Variants in KRTAP24-1 observed in about 807,000 individuals in gnomAD.
KRTAP24-1 encodes keratin associated protein 24-1, also known as keratin-associated protein 24-1.
For synonymous variants in KRTAP24-1, 133 were observed against 116.3 expected (o/e 1.14, Z -0.92); for missense variants, 344 against 303.2 (o/e 1.13, Z -1.00).
chr21:30,282,345 G>T lies in KRTAP24-1; in HGVS notation c.588C>A (p.Asn196Lys), dbSNP rs1980730483. 1 of 1,614,150 alleles carries T rather than the reference G, an allele frequency of 6.2e-7. No homozygotes were observed. Among genetic ancestry groups the T allele is most frequent in the East Asian group, 2.2e-5 (1 of 44,864 alleles). ...CTAAATAGCTTTGGGGTTGGCAGCT[G>T]TTGGAAATATAACATAATGGTGAGA... Reference protein sequence around the residue: ...SYVSPLCYISNSCQPQSYLVR... With the variant: ...SYVSPLCYISKSCQPQSYLVR... Residue 196 changes from asparagine (N) to lysine (K), a missense_variant, in exon 1 of 1, where the codon AAC becomes AAA. Asn to Lys is a moderately conservative substitution (Grantham distance 94). Transcript: ENST00000340345.
Position 30,282,226 on chromosome 21 carries a change from C to A in KRTAP24-1, c.707G>T (p.Ser236Ile). 1 of 1,614,014 alleles carries A rather than the reference C, an allele frequency of 6.2e-7. No individual in the cohort carries two copies. The highest frequency in any genetic ancestry group is 8.5e-7 in the Non-Finnish European group (1 of 1,179,988). ...CAAATACCTCAGAGGTGGAAAGGTA[C>A]TGGGTATATAGCTCAGAGATCTGAA... ...RSFRSLSYIP[S>I]TFPPLRYLCS... The change falls in exon 1 of 1, where the codon AGT (serine) becomes ATT (isoleucine). Residue 236 changes from serine (S) to isoleucine (I), a missense_variant. Ser to Ile is a moderately radical substitution (Grantham distance 142). Coordinates refer to ENST00000340345, the MANE Select transcript of KRTAP24-1 (RefSeq NM_001085455.3).
In KRTAP24-1 at chr21:30,282,883, G is replaced by A; in HGVS notation, c.50C>T (p.Thr17Ile). 6.2e-7 allele frequency: 1 copy of A among 1,613,662 alleles called. No homozygotes were observed. The highest frequency in any genetic ancestry group is 1.3e-5 in the African/African-American group (1 of 75,020). The change falls in exon 1 of 1, where the codon ACC (threonine) becomes ATC (isoleucine). Residue 17 changes from threonine (T) to isoleucine (I), a missense_variant. Physicochemically the swap from Thr to Ile is moderately conservative, Grantham distance 89. Transcript: ENST00000340345. ...STTGYPGVCS[T>I]TSYRTHCYIP... is the part of the protein sequence containing the mutation. Reference sequence around the variant, plus strand: ...ATAACAGTGAGTTCTGTATGATGTGGTACTGCAGACCCCAGGATAGCCTGT... The same window carrying A: ...ATAACAGTGAGTTCTGTATGATGTGATACTGCAGACCCCAGGATAGCCTGT...
rs1823046547 is a variant in KRTAP24-1, at chr21:30,282,573, TGGGCTGCAGCTG to T, written c.348_359del (p.Cys118_Ser121del). 8 of 1,596,184 alleles carry T rather than the reference TGGGCTGCAGCTG, an allele frequency of 5.0e-6. No homozygotes were observed. Among genetic ancestry groups the T allele is most frequent in the Non-Finnish European group, 6.8e-6 (8 of 1,171,004 alleles). ...ATACATACCCATTGGTCTGGGTGCT[TGGGCTGCAGCTG>T]GGGCTGGGGCTGACGTTGGTAGTTT... On this transcript the variant is annotated inframe_deletion, in exon 1 of 1. Coordinates refer to ENST00000340345, the MANE Select transcript of KRTAP24-1 (RefSeq NM_001085455.3).
At position 30,282,643 on chromosome 21, in the gene KRTAP24-1, G is replaced by A; in HGVS notation, c.290C>T (p.Ser97Phe). 6.3e-7 allele frequency: 1 copy of A among 1,593,430 alleles called. No homozygotes were observed. The highest frequency in any genetic ancestry group is 8.5e-7 in the Non-Finnish European group (1 of 1,169,698). Residue 97 changes from serine (S) to phenylalanine (F), a missense_variant, in exon 1 of 1, where the codon TCC (serine) becomes TTC (phenylalanine). By Grantham distance (155) the Ser-to-Phe change is radical. Coordinates refer to ENST00000340345, the MANE Select transcript of KRTAP24-1 (RefSeq NM_001085455.3). The stretch of plus-strand genomic sequence containing the variant: ...ACTGAAGACTTGGCCTGCTGATGGG[G>A]AGTTGCAGGGCACAGAGGAGTTTGA... ...DPSNSSVPCN[S>F]PSAGQVFSVC...
rs1321589603 is a variant in KRTAP24-1 at position 30,281,626 on chromosome 21, T to C, written c.*542A>G. 6.6e-6 allele frequency: 1 copy of C among 152,570 alleles called. No individual in the cohort carries two copies. The highest frequency in any genetic ancestry group is 2.4e-5 in the African/African-American group (1 of 41,460). The allele number at this position is 152,570 out of a possible 1,614,324, so 9.5% of individuals were successfully genotyped here. A position where few individuals can be genotyped will look rare whatever the true frequency, so the allele number is the denominator to read the frequency against. On this transcript the variant is annotated 3_prime_UTR_variant, in exon 1 of 1. Coordinates refer to ENST00000340345, the MANE Select transcript of KRTAP24-1 (RefSeq NM_001085455.3). The stretch of plus-strand genomic sequence containing the variant: ...CATTGCTATTTGCCTGTTCTTACAA[T>C]CAATCAGTAAGAAAAGGATGAAATA...
chr21:30,281,941 C>A lies in KRTAP24-1; in HGVS notation c.*227G>T. 2.0e-6 allele frequency: 1 copy of A among 500,140 alleles called. No individual in the cohort carries two copies. Among genetic ancestry groups the A allele is most frequent in the South Asian group, 3.4e-5 (1 of 29,804 alleles). 31.0% of individuals were successfully genotyped at this position (500,140 alleles called of 1,614,324 possible). Reference sequence around the variant, plus strand: ...TAAATCTCAGAAATAATGATGTTACCTTCAGGGTCAGCTTTTAGTACAAAG... The same window carrying A: ...TAAATCTCAGAAATAATGATGTTACATTCAGGGTCAGCTTTTAGTACAAAG... On this transcript the variant is annotated 3_prime_UTR_variant, in exon 1 of 1. Transcript: ENST00000340345.
Position 30,282,212 on chromosome 21 carries a change from G to C in KRTAP24-1, c.721C>G (p.Leu241Val), listed in dbSNP as rs1980722983. The C allele has an allele frequency of 6.2e-7, 1 of 1,613,794 alleles. No individual in the cohort carries two copies. Among genetic ancestry groups the C allele is most frequent in the South Asian group, 1.1e-5 (1 of 91,080 alleles). Residue 241 changes from leucine (L) to valine (V), a missense_variant, in exon 1 of 1, where the codon CTG becomes GTG. Transcript: ENST00000340345. ...CTGCTACCACTGCACAAATACCTCA[G>C]AGGTGGAAAGGTACTGGGTATATAG... is the stretch of plus-strand genomic sequence containing the variant. ...LSYIPSTFPP[L>V]RYLCSGSRPL...
Position 30,282,742 on chromosome 21 carries a change from G to A in KRTAP24-1, c.191C>T (p.Ser64Phe). Residue 64 changes from serine to phenylalanine, a missense_variant, in exon 1 of 1, where the codon TCC (serine) becomes TTC (phenylalanine). Physicochemically the swap from Ser to Phe is radical, Grantham distance 155. Transcript: ENST00000340345. ...TTTGCAGGTTGGTGCTTCACCGTAG[G>A]ATTCTTGGCAGTAATCCAGGAGCCA... ...NLWLLDYCQE[S>F]YGEAPTCKSP... 6.2e-7 allele frequency: 1 copy of A among 1,614,088 alleles called. No individual in the cohort carries two copies. Among genetic ancestry groups the A allele is most frequent in the Non-Finnish European group, 8.5e-7 (1 of 1,179,980 alleles).
rs746496561 is a variant in KRTAP24-1 at position 30,282,548 on chromosome 21, A to G, written c.385T>C (p.Cys129Arg). The change falls in exon 1 of 1, where the codon TGC becomes CGC. Residue 129 changes from cysteine to arginine, a missense_variant. Coordinates refer to ENST00000340345, the MANE Select transcript of KRTAP24-1 (RefSeq NM_001085455.3). ...SPSTQTNGYVCNCHIPTRNAS... is the reference protein window; with the variant it reads ...SPSTQTNGYVRNCHIPTRNAS... The stretch of plus-strand genomic sequence containing the variant: ...TTTCGAGTGGGTATGTGGCAATTGC[A>G]TACATACCCATTGGTCTGGGTGCTT... The G allele has an allele frequency of 1.2e-6, 2 of 1,606,776 alleles. No homozygotes were observed. Among genetic ancestry groups the G allele is most frequent in the Non-Finnish European group, 1.7e-6 (2 of 1,176,016 alleles).
Position 30,282,517 on chromosome 21 carries a change from G to T in KRTAP24-1, c.416C>A (p.Ser139Tyr). The change falls in exon 1 of 1, where the codon TCC becomes TAC. Residue 139 changes from serine to tyrosine, a missense_variant. By Grantham distance (144) the Ser-to-Tyr change is moderately radical. Coordinates refer to ENST00000340345, the MANE Select transcript of KRTAP24-1 (RefSeq NM_001085455.3). ...GTTGCGGAGGGTTTGGCAGGCTTTG[G>T]ATGCATTTCGAGTGGGTATGTGGCA... is the stretch of plus-strand genomic sequence containing the variant. ...CNCHIPTRNASKACQTLRNGS... is the reference protein window; with the variant it reads ...CNCHIPTRNAYKACQTLRNGS... 4.3e-6 allele frequency: 7 copies of T among 1,613,416 alleles called. No individual in the cohort carries two copies. Among genetic ancestry groups the T allele is most frequent in the Non-Finnish European group, 5.9e-6 (7 of 1,179,588 alleles).
rs1273244485 is a variant in KRTAP24-1, at chr21:30,282,034, G to C, written c.*134C>G. ...TACTGGCTGTGGTTAATAAACCTGG[G>C]AGTTGTATTTGAACTTAATGTAACA... On this transcript the variant is annotated 3_prime_UTR_variant, in exon 1 of 1. Coordinates refer to ENST00000340345, the MANE Select transcript of KRTAP24-1 (RefSeq NM_001085455.3). The C allele has an allele frequency of 2.3e-6, 2 of 887,024 alleles. No homozygotes were observed. The highest frequency in any genetic ancestry group is 3.4e-6 in the Non-Finnish European group (2 of 585,280). The allele number at this position is 887,024 out of a possible 1,614,324, so 54.9% of individuals were successfully genotyped here.
In KRTAP24-1 at chr21:30,282,147, G is replaced by A; in HGVS notation, c.*21C>T. 1 of 1,593,344 alleles carries A rather than the reference G, an allele frequency of 6.3e-7. No homozygotes were observed. The highest frequency in any genetic ancestry group is 8.5e-7 in the Non-Finnish European group (1 of 1,172,872). ...CTTCCCCATTGGGCAATTTCCAGCT[G>A]CTATAAATTCTGGAAGTTGGTCAAT... On this transcript the variant is annotated 3_prime_UTR_variant, in exon 1 of 1. Transcript: ENST00000340345.
the KRTAP24-1 span, chr21:30,282,446 G>A: frequency 1.2e-6 from 2 of 1,614,118 alleles, no homozygotes; most frequent in Middle Eastern, 1.6e-4. Context: ...TTTAGAGTTT[G>A]GAAACTCTTG....
chr21:30,282,453 C>A lies in KRTAP24-1; in HGVS notation c.480G>T (p.Lys160Asn), dbSNP rs1245006381. 1 of 1,614,098 alleles carries A rather than the reference C, an allele frequency of 6.2e-7. No individual in the cohort carries two copies. Among genetic ancestry groups the A allele is most frequent in the Non-Finnish European group, 8.5e-7 (1 of 1,180,002 alleles). The part of the protein sequence containing the change: ...NCFGQLNCLS[K>N]SFQTLNHCRL... ...TGCAGTGGTTTAGAGTTTGGAAACT[C>A]TTGGATAAGCAGTTAAGTTGTCCAA... The change falls in exon 1 of 1, where the codon AAG (lysine) becomes AAT (asparagine). Residue 160 changes from lysine to asparagine, a missense_variant. Lys to Asn is a moderately conservative substitution (Grantham distance 94). Coordinates refer to ENST00000340345, the MANE Select transcript of KRTAP24-1 (RefSeq NM_001085455.3).
At position 30,282,807 on chromosome 21, in the gene KRTAP24-1, G is replaced by C. The variant is rs756908577; in HGVS notation, c.126C>G (p.Thr42=). 1.9e-6 allele frequency: 3 copies of C among 1,614,138 alleles called. No homozygotes were observed. The highest frequency in any genetic ancestry group is 2.5e-6 in the Non-Finnish European group (3 of 1,179,988). ...VTLSSSDLSP[T]FGHCLPSSYQ... Reference sequence around the variant, plus strand: ...AGCTACTGGGTAAGCAGTGTCCAAAGGTAGGGCTTAAATCACTGGAGCTAA... The same window carrying C: ...AGCTACTGGGTAAGCAGTGTCCAAACGTAGGGCTTAAATCACTGGAGCTAA... Residue 42 remains threonine (T), a synonymous_variant, in exon 1 of 1, where the codon ACC becomes ACG. Coordinates refer to ENST00000340345, the MANE Select transcript of KRTAP24-1 (RefSeq NM_001085455.3).
rs761436363 is a variant in KRTAP24-1 at position 30,282,923 on chromosome 21, C to G, written c.10G>C (p.Gly4Arg). The G allele has an allele frequency of 1.9e-6, 3 of 1,607,768 alleles. No individual in the cohort carries two copies. The East Asian group carries it at 6.7e-5, about 36-fold the overall frequency. ...GGATAGCCTGTAGTAGACATGGAGCCTGCAGGCATGCTCAGTGGTCGCTGT... is the reference window on the plus strand; with the variant it reads ...GGATAGCCTGTAGTAGACATGGAGCGTGCAGGCATGCTCAGTGGTCGCTGT... MPA[G>R]SMSTTGYPGV... The change falls in exon 1 of 1, where the codon GGC (glycine) becomes CGC (arginine). Residue 4 changes from glycine (G) to arginine (R), a missense_variant. Gly to Arg is a moderately radical substitution (Grantham distance 125, BLOSUM62 -2). Transcript: ENST00000340345.
rs771656357 is a variant in KRTAP24-1, at chr21:30,282,409, T to C, written c.524A>G (p.Tyr175Cys). ...GAAGCAAGGATTTTGGTAGCTTTTA[T>C]ACCCCAAAGTACTCAATCTGCAGTG... ...LNHCRLSTLG[Y>C]KSYQNPCFIP... is the part of the protein sequence containing the mutation. Residue 175 changes from tyrosine to cysteine, a missense_variant, in exon 1 of 1, where the codon TAT becomes TGT. Coordinates refer to ENST00000340345, the MANE Select transcript of KRTAP24-1 (RefSeq NM_001085455.3). The C allele has an allele frequency of 5.0e-6, 8 of 1,614,082 alleles. No homozygotes were observed. The highest frequency in any genetic ancestry group is 6.8e-6 in the Non-Finnish European group (8 of 1,180,032).
Position 30,282,343 on chromosome 21 carries a change from C to T in KRTAP24-1, c.590G>A (p.Ser197Asn), listed in dbSNP as rs753029342. 8.1e-6 allele frequency: 13 copies of T among 1,613,936 alleles called. No individual in the cohort carries two copies. In the Admixed American group the frequency reaches 8.3e-5, roughly 10 times the overall value. Residue 197 changes from serine to asparagine, a missense_variant, in exon 1 of 1, where the codon AGC (serine) becomes AAC (asparagine). Ser to Asn is a conservative substitution (Grantham distance 46). Coordinates refer to ENST00000340345, the MANE Select transcript of KRTAP24-1 (RefSeq NM_001085455.3). ...YVSPLCYISNSCQPQSYLVRN... is the reference protein window; with the variant it reads ...YVSPLCYISNNCQPQSYLVRN... ...CACTAAATAGCTTTGGGGTTGGCAGCTGTTGGAAATATAACATAATGGTGA... is the reference window on the plus strand; with the variant it reads ...CACTAAATAGCTTTGGGGTTGGCAGTTGTTGGAAATATAACATAATGGTGA...
In KRTAP24-1 at chr21:30,281,654, T is replaced by C. The variant is rs1980705052; in HGVS notation, c.*514A>G. The C allele has an allele frequency of 6.5e-6, 1 of 153,494 alleles. No individual in the cohort carries two copies. Among genetic ancestry groups the C allele is most frequent in the Non-Finnish European group, 1.4e-5 (1 of 69,034 alleles). 9.5% of individuals were successfully genotyped at this position (153,494 alleles called of 1,614,324 possible). On this transcript the variant is annotated 3_prime_UTR_variant, in exon 1 of 1. Coordinates refer to ENST00000340345, the MANE Select transcript of KRTAP24-1 (RefSeq NM_001085455.3). Reference sequence around the variant, plus strand: ...ATCAGTAAGAAAAGGATGAAATAGTTCAACTTATTATGCTCAAGATAGTGT... The same window carrying C: ...ATCAGTAAGAAAAGGATGAAATAGTCCAACTTATTATGCTCAAGATAGTGT...
Sources: allele counts gnomAD v4.1 joint callset, GRCh38; gene constraint gnomAD v4.1.1; transcripts MANE v1.5; gene names NCBI Gene and HGNC (gene_info 2026-07-23, HGNC 2026-07-21).